FARS2: variants seen among roughly 807,000 people sequenced by gnomAD.
FARS2 encodes phenylalanine--tRNA ligase, mitochondrial.
In FARS2, 40 loss-of-function variants were observed where a neutral mutation model predicts 46.4. That is an observed-to-expected ratio of 0.86 (90% CI 0.67 to 1.12). FARS2 has a LOEUF of 1.12. Ranked by LOEUF, FARS2 falls within the 50% of genes most tolerant of loss-of-function variation. The probability of loss-of-function intolerance (pLI) is 0.00; values close to 1 mark genes in which losing one functional copy is unlikely to be tolerated. For synonymous variants in FARS2, 234 were observed against 214.9 expected (o/e 1.09, Z -0.78); for missense variants, 513 against 567.9 (o/e 0.90, Z 0.98).
chr6:5,341,211 A>G (rs1377007171), intron 1 of FARS2, among the ~76,000 whole-genome samples: 2 of 5,878 alleles, frequency 3.4e-4, no homozygotes, highest in Non-Finnish European at 9.3e-4. Context: ...ATATATATAT[A>G]TATATATATA....
intron 1 of FARS2, among the ~76,000 whole-genome samples, chr6:5,337,029 A>G (rs1417030996): frequency 6.7e-6 from 1 of 149,406 alleles, no homozygotes; most frequent in Non-Finnish European, 1.5e-5. Context: ...AACTCTGTAT[A>G]TTCTATTTTG....
At chr6:5,593,464 G>A (rs1774034817) in intron 5 of FARS2, among the ~76,000 whole-genome samples, 1 of 152,134 alleles carries the variant, frequency 6.6e-6, no homozygotes, top group South Asian at 2.1e-4. Flanking sequence ...GCCAGTGGGT[G>A]TCTTTTTATG....
chr6:5,438,253 C>CCA (rs1763648856), intron 4 of FARS2, among the ~76,000 whole-genome samples: 1 of 84,136 alleles, frequency 1.2e-5, no homozygotes, highest in Admixed American at 1.7e-4. Flanking sequence ...CCCGCCCCCC[C>CCA]CCCCATTTTT....
At chr6:5,466,908 C>T (rs796831767) in intron 4 of FARS2, 3 of 985,310 alleles carry the variant, frequency 3.0e-6, no homozygotes, top group South Asian at 4.7e-5. Context: ...ATGGGCACCT[C>T]GGCCTTATGC....
chr6:5,677,567 G>A (rs1056633442), intron 6 of FARS2, among the ~76,000 whole-genome samples: 1 of 152,232 alleles, frequency 6.6e-6, no homozygotes, highest in East Asian at 1.9e-4. Flanking sequence ...GTAAGTCCCT[G>A]TTAGTGACAG....
Position 5,771,355 on chromosome 6 carries a change from A to G in FARS2, c.1282A>G (p.Arg428Gly), listed in dbSNP as rs1339803692. ...CCACATGGAACGGACTCTGTCCCAG[A>G]GAGAGGTCAGGCACATCCACCAGGC... is the stretch of plus-strand genomic sequence containing the variant. The part of the protein sequence containing the change: ...YRHMERTLSQ[R>G]EVRHIHQALQ... Residue 428 changes from arginine to glycine, a missense_variant, in exon 7 of 7, where the codon AGA becomes GGA. Transcript: ENST00000274680. The G allele has an allele frequency of 2.6e-5, 42 of 1,614,054 alleles. No homozygotes were observed. Among genetic ancestry groups the G allele is most frequent in the Non-Finnish European group, 3.6e-5 (42 of 1,180,026 alleles).
At chr6:5,744,205 C>T (rs1761513045) in intron 6 of FARS2, among the ~76,000 whole-genome samples, 1 of 152,078 alleles carries the variant, frequency 6.6e-6, no homozygotes, top group South Asian at 2.1e-4. Context: ...GGCCTAGGGA[C>T]GAAGCTGCCA....
Position 5,764,577 on chromosome 6 carries a change from C to T in FARS2, c.1218-6714C>T, listed in dbSNP as rs565756083. Among the ~76,000 whole-genome samples the T allele has an allele frequency of 6.6e-5, 10 of 152,296 alleles. No individual in the cohort carries two copies. Among genetic ancestry groups the T allele is most frequent in the Non-Finnish European group, 1.0e-4 (7 of 68,022 alleles). ...GGAAGCTGCCCCGTGACAGCATCTT[C>T]TCTCCCGTTGAGTAATCCCTGCATG... On this transcript the variant is annotated intron_variant, in intron 6 of 6. Coordinates refer to ENST00000274680, the MANE Select transcript of FARS2 (RefSeq NM_006567.5). The surrounding 1 kb of genome is among the most constrained non-coding windows in gnomAD (Gnocchi z 4.1).
rs193002685 is a variant in FARS2 at position 5,467,456 on chromosome 6, A to C, written c.904+36284A>C. The stretch of plus-strand genomic sequence containing the variant: ...ACAACATTTGCCCATGAGGTTTTAG[A>C]TGCTGAAATAAGATACAATAGGTCT... On this transcript the variant is annotated intron_variant, in intron 4 of 6. Transcript: ENST00000274680. 2.3e-3 allele frequency among the ~76,000 whole-genome samples: 347 copies of C among 152,296 alleles called. 2 individuals are homozygous for C. The highest frequency in any genetic ancestry group is 0.012 in the South Asian group (58 of 4,832).
chr6:5,711,670 C>T (rs923098188), intron 6 of FARS2, among the ~76,000 whole-genome samples: 1 of 152,178 alleles, frequency 6.6e-6, no homozygotes, highest in African/African-American at 2.4e-5. Flanking sequence ...CAATAGAGGG[C>T]CATTATGCAA....
At chr6:5,613,142 G>A in intron 5 of FARS2, 27 bp from the exon 6 acceptor site, 3 of 1,596,194 alleles carry the variant, frequency 1.9e-6, no homozygotes, top group Middle Eastern at 1.7e-4. Flanking sequence ...ACAAGTTCAT[G>A]TATCTTTTCT....
chr6:5,534,410 C>G (rs899583369), intron 4 of FARS2, among the ~76,000 whole-genome samples: 1 of 152,176 alleles, frequency 6.6e-6, no homozygotes, highest in African/African-American at 2.4e-5. Flanking sequence ...CCACGAGAAA[C>G]TCTGTACCCA....
intron 6 of FARS2, among the ~76,000 whole-genome samples, chr6:5,643,495 C>T (rs1354618872): frequency 6.6e-6 from 1 of 152,178 alleles, no homozygotes; most frequent in Admixed American, 6.5e-5. Context: ...TGCCGACATT[C>T]GTTCATTCAC....
At chr6:5,260,913 G>A (rs1765055954), upstream of FARS2, 17 of 1,370,610 alleles carry the variant, frequency 1.2e-5, no homozygotes, top group Non-Finnish European at 1.6e-5. Context: ...GGCGCCAGGC[G>A]TCCCGCGCCG....
intron 6 of FARS2, among the ~76,000 whole-genome samples, chr6:5,651,534 A>G (rs1777362318): frequency 6.6e-6 from 1 of 152,244 alleles, no homozygotes; most frequent in Non-Finnish European, 1.5e-5. Context: ...CAACAAAAAA[A>G]GCAAGGCAAG....
At chr6:5,484,281 G>A (rs1314647495) in intron 4 of FARS2, among the ~76,000 whole-genome samples, 2 of 152,276 alleles carry the variant, frequency 1.3e-5, no homozygotes, top group Non-Finnish European at 2.9e-5. Context: ...TGGTTATGTG[G>A]CATTGGTGCA....
intron 4 of FARS2, among the ~76,000 whole-genome samples, chr6:5,445,225 AT>A (rs1436386100): frequency 6.6e-6 from 1 of 152,128 alleles, no homozygotes; most frequent in South Asian, 2.1e-4. Context: ...TGCTCATATA[AT>A]TGGATTTTAT....
chr6:5,695,345 G>A (rs1292639947), intron 6 of FARS2: 2 of 152,292 alleles, frequency 1.3e-5, no homozygotes, highest in African/African-American at 4.8e-5. Flanking sequence ...CTGGCCCACG[G>A]GCGGTACGCT....
At chr6:5,272,718 C>G (rs960193573) in intron 1 of FARS2, among the ~76,000 whole-genome samples, 4 of 152,086 alleles carry the variant, frequency 2.6e-5, no homozygotes, top group African/African-American at 9.7e-5. Context: ...TTATTATAAT[C>G]TATAGTCTCC....
Sources: allele counts gnomAD v4.1 joint callset (sites outside exome capture counted in the v4.1 genomes callset), GRCh38; gene constraint gnomAD v4.1.1; non-coding constraint Gnocchi (gnomAD v3.1); transcripts MANE v1.5; gene names NCBI Gene and HGNC (gene_info 2026-07-23, HGNC 2026-07-21).